Variants in ZNF207 observed in about 807,000 individuals in gnomAD.
The protein encoded by ZNF207 is zinc finger protein 207.
ZNF207 carries 24 observed loss-of-function variants against 60.2 expected under a neutral mutation model. That is an observed-to-expected ratio of 0.40 (90% confidence interval 0.29 to 0.56). The LOEUF is 0.56. Ranked by LOEUF, ZNF207 falls within the 20% of genes least tolerant of loss-of-function variation. ZNF207 has a pLI of 0.49. For synonymous variants in ZNF207, 236 were observed against 194.7 expected, an observed-to-expected ratio of 1.21 and a Z score of -1.77; for missense variants, 452 against 636.6, an observed-to-expected ratio of 0.71 and a Z score of 3.12.
In ZNF207 at chr17:32,381,580, TC is replaced by T. The variant is rs1905889194; in HGVS notation, c.*11823del. 1 of 152,222 alleles carries T rather than the reference TC, an allele frequency of 6.6e-6. No homozygotes were observed. The highest frequency in any genetic ancestry group is 2.4e-5 in the African/African-American group (1 of 41,472). 9.4% of individuals were successfully genotyped at this position (152,222 alleles called of 1,614,324 possible). A position where few individuals can be genotyped will look rare whatever the true frequency, so the allele number is the denominator to read the frequency against. ...AGGTTCAGAGAGAGATCTGAGATGT[TC>T]CTTAACATGTAGCCATGTAATTAGA... is the stretch of plus-strand genomic sequence containing the variant. On this transcript the variant is annotated 3_prime_UTR_variant, in exon 12 of 12. Coordinates refer to ENST00000394670, the MANE Select transcript of ZNF207 (RefSeq NM_001098507.2).
chr17:32,355,135 G>C (rs893213235), intron 2 of ZNF207, among the ~76,000 whole-genome samples: 2 of 152,164 alleles, frequency 1.3e-5, no homozygotes, highest in Non-Finnish European at 2.9e-5. Flanking sequence ...GGTGGCTCAC[G>C]CCTGTAATCA....
chr17:32,354,334 A>AC (rs1904375651), intron 2 of ZNF207, among the ~76,000 whole-genome samples: 2 of 149,712 alleles, frequency 1.3e-5, no homozygotes, highest in African/African-American at 4.9e-5. Flanking sequence ...ATGCTCTGTC[A>AC]GTTTTTTTTT....
At chr17:32,363,529 CT>C (rs746944466) in intron 7 of ZNF207, among the ~76,000 whole-genome samples, 558 of 69,488 alleles carry the variant, frequency 8.0e-3, no homozygotes, top group Middle Eastern at 0.027. Context: ...ATCCAACAAA[CT>C]TTTTTTTTTT....
rs1290284065 is a variant in ZNF207 at position 32,360,752 on chromosome 17, A to G, written c.462A>G (p.Pro154=). Residue 154 remains proline (P), a synonymous_variant, in exon 4 of 12, where the codon CCA becomes CCG. Coordinates refer to ENST00000394670, the MANE Select transcript of ZNF207 (RefSeq NM_001098507.2). The part of the protein sequence containing the change: ...QPGLPPVPGA[P]GMPPGIPPLM... The stretch of plus-strand genomic sequence containing the variant: ...GACTGCCACCAGTACCAGGAGCACC[A>G]GGAATGCCTCCAGGTAGCACATAGG... 1 of 1,614,042 alleles carries G rather than the reference A, an allele frequency of 6.2e-7. No homozygotes were observed. Among genetic ancestry groups the G allele is most frequent in the East Asian group, 2.2e-5 (1 of 44,890 alleles).
chr17:32,369,531 A>G lies in ZNF207; in HGVS notation c.1325-68A>G, dbSNP rs919013824. ...ATAAAATATTAAATTTATCTGCAGC[A>G]TACGTTGCACTTAAAAGTACAATGC... On this transcript the variant is annotated intron_variant, in intron 11 of 11. Transcript: ENST00000394670. The G allele has an allele frequency of 1.8e-5, 28 of 1,592,998 alleles. No homozygotes were observed. In the African/African-American group the frequency reaches 2.0e-4, roughly 12 times the overall value.
Position 32,353,976 on chromosome 17 carries a change from G to A in ZNF207, c.168+2064G>A, listed in dbSNP as rs564668446. 1.8e-4 allele frequency among the ~76,000 whole-genome samples: 28 copies of A among 152,168 alleles called. 2 individuals carry two copies. In the South Asian group the frequency reaches 2.9e-3, roughly 16 times the overall value. On this transcript the variant is annotated intron_variant, in intron 2 of 11. Transcript: ENST00000394670. ...TAGCTAACTTATATTGGGTAGTGTG[G>A]ATAAGAACATTTTGTTTTGATTGAT...
At chr17:32,360,573 G>A (rs753003105) in intron 3 of ZNF207, 25 bp from the exon 4 acceptor site, 4 of 1,567,408 alleles carry the variant, frequency 2.6e-6, no homozygotes, top group Admixed American at 3.8e-5. Flanking sequence ...TTTACTCTAT[G>A]GAAATAATTT....
rs1905408208 is a variant in ZNF207 at position 32,370,282 on chromosome 17, A to G, written c.*523A>G. ...TTGCAGGGTTTAAGAAATCTGACCC[A>G]CCAAGGTCATGTGACTTTTCTGTAC... On this transcript the variant is annotated 3_prime_UTR_variant, in exon 12 of 12. Coordinates refer to ENST00000394670, the MANE Select transcript of ZNF207 (RefSeq NM_001098507.2). 6.5e-6 allele frequency: 1 copy of G among 152,724 alleles called. No homozygotes were observed. The highest frequency in any genetic ancestry group is 2.4e-5 in the African/African-American group (1 of 41,468). 9.5% of individuals were successfully genotyped at this position (152,724 alleles called of 1,614,324 possible). A position where few individuals can be genotyped will look rare whatever the true frequency, so the allele number is the denominator to read the frequency against.
intron 2 of ZNF207, among the ~76,000 whole-genome samples, chr17:32,352,314 T>G (rs1243513414): frequency 6.6e-6 from 1 of 152,168 alleles, no homozygotes; most frequent in African/African-American, 2.4e-5. Context: ...GTTTTGTTTT[T>G]TTTTTGTTCA....
chr17:32,355,491 T>C (rs1904453225), intron 2 of ZNF207, among the ~76,000 whole-genome samples: 1 of 152,136 alleles, frequency 6.6e-6, no homozygotes, highest in Non-Finnish European at 1.5e-5. Flanking sequence ...TGAGTGTAGG[T>C]ATGTTTGAGG....
At chr17:32,361,711 T>G (rs1288672762) in intron 6 of ZNF207, among the ~76,000 whole-genome samples, 196 bp downstream of exon 6, 1 of 152,216 alleles carries the variant, frequency 6.6e-6, no homozygotes, top group Non-Finnish European at 1.5e-5. Context: ...TAGACCCATA[T>G]AAACATACTT....
Position 32,369,288 on chromosome 17 carries a change from T to C in ZNF207, c.1165-7T>C, listed in dbSNP as rs750949293. The C allele has an allele frequency of 6.2e-7, 1 of 1,613,284 alleles. No homozygotes were observed. Among genetic ancestry groups the C allele is most frequent in the Non-Finnish European group, 8.5e-7 (1 of 1,179,478 alleles). ...GTATTTAGCCCTGCGCTTATTTTTA[T>C]TCCCAGGAAGAGAGAAGGGCACAGT... On this transcript the variant is annotated splice_region_variant and splice_polypyrimidine_tract_variant and intron_variant, in intron 10 of 11. Coordinates refer to ENST00000394670, the MANE Select transcript of ZNF207 (RefSeq NM_001098507.2).
rs192591941 is a variant in ZNF207, at chr17:32,371,601, T to G, written c.*1842T>G. 2.0e-5 allele frequency: 3 copies of G among 152,136 alleles called. No homozygotes were observed. The highest frequency in any genetic ancestry group is 7.2e-5 in the African/African-American group (3 of 41,422). The allele number at this position is 152,136 out of a possible 1,614,324, so 9.4% of individuals were successfully genotyped here. The stretch of plus-strand genomic sequence containing the variant: ...CCATCTGTACAAAACATTTAAAAAT[T>G]AGCCAGGCGCGTTAGTGTGTGTCTG... On this transcript the variant is annotated 3_prime_UTR_variant, in exon 12 of 12. Transcript: ENST00000394670.
rs148302417 is a variant in ZNF207, at chr17:32,357,962, G to T, written c.169-541G>T. On this transcript the variant is annotated intron_variant, in intron 2 of 11. Transcript: ENST00000394670. Reference sequence around the variant, plus strand: ...ACCCGACTAATTTTTTGTATTTTTAGTCGGGACAGGGTTTTGCCACGTTGG... The same window carrying T: ...ACCCGACTAATTTTTTGTATTTTTATTCGGGACAGGGTTTTGCCACGTTGG... Among the ~76,000 whole-genome samples, 153 of 152,098 alleles carry T rather than the reference G, an allele frequency of 1.0e-3. 1 individual carries two copies. Among genetic ancestry groups the T allele is most frequent in the African/African-American group, 3.5e-3 (145 of 41,498 alleles).
In ZNF207 at chr17:32,369,238, A is replaced by G; in HGVS notation, c.1165-57A>G. The G allele has an allele frequency of 3.2e-6, 5 of 1,580,928 alleles. No individual in the cohort carries two copies. The South Asian group carries it at 5.6e-5, about 18-fold the overall frequency. On this transcript the variant is annotated intron_variant, in intron 10 of 11. Transcript: ENST00000394670. ...TGTAAGATTTTAGATGCATGCCTTT[A>G]TGCTTGGTGAGCCTCTGCATTCGAG...
intron 7 of ZNF207, among the ~76,000 whole-genome samples, chr17:32,365,116 G>T (rs994493674): frequency 4.6e-5 from 7 of 152,214 alleles, no homozygotes; most frequent in Non-Finnish European, 1.0e-4. Context: ...ATGCAGCAGG[G>T]TCTAGTGTTA....
rs1279335951 is a variant in ZNF207 at position 32,378,089 on chromosome 17, A to G, written c.*8330A>G. On this transcript the variant is annotated 3_prime_UTR_variant, in exon 12 of 12. Coordinates refer to ENST00000394670, the MANE Select transcript of ZNF207 (RefSeq NM_001098507.2). The stretch of plus-strand genomic sequence containing the variant: ...TTACTTAAATGTTAGTATAACTAAT[A>G]ATAGATCCATTGGACACTTTAAACA... The G allele has an allele frequency of 6.6e-6, 1 of 152,488 alleles. No homozygotes were observed. Among genetic ancestry groups the G allele is most frequent in the East Asian group, 1.9e-4 (1 of 5,202 alleles). The allele number at this position is 152,488 out of a possible 1,614,324, so 9.4% of individuals were successfully genotyped here. A position where few individuals can be genotyped will look rare whatever the true frequency, so the allele number is the denominator to read the frequency against.
rs1347283522 is a variant in ZNF207 at position 32,379,116 on chromosome 17, T to C, written c.*9357T>C. On this transcript the variant is annotated 3_prime_UTR_variant, in exon 12 of 12. Coordinates refer to ENST00000394670, the MANE Select transcript of ZNF207 (RefSeq NM_001098507.2). ...TGTAAAATTGCACAAGGGCTTAAGT[T>C]TCATTGCCTTTCACAGTTTAATCTG... 6.6e-6 allele frequency: 1 copy of C among 152,094 alleles called. No individual in the cohort carries two copies. Among genetic ancestry groups the C allele is most frequent in the Non-Finnish European group, 1.5e-5 (1 of 67,930 alleles). The allele number at this position is 152,094 out of a possible 1,614,324, so 9.4% of individuals were successfully genotyped here. A position where few individuals can be genotyped will look rare whatever the true frequency, so the allele number is the denominator to read the frequency against.
intron 2 of ZNF207, among the ~76,000 whole-genome samples, chr17:32,353,913 A>G (rs1178296392): frequency 6.6e-6 from 1 of 152,150 alleles, no homozygotes; most frequent in Non-Finnish European, 1.5e-5. Flanking sequence ...GCTATTTAAA[A>G]TGATATAAAT....
Sources: allele counts gnomAD v4.1 joint callset (sites outside exome capture counted in the v4.1 genomes callset), GRCh38; gene constraint gnomAD v4.1.1; transcripts MANE v1.5; gene names NCBI Gene and HGNC (gene_info 2026-07-23, HGNC 2026-07-21).